GRAMD4: variants seen among roughly 807,000 people sequenced by gnomAD.
The protein encoded by GRAMD4 is GRAM domain-containing protein 4.
GRAMD4 carries 25 observed loss-of-function variants against 83.9 expected under a neutral mutation model. The ratio of observed to expected loss-of-function variants is 0.30; its 90% CI spans 0.22 to 0.42. The LOEUF (loss-of-function observed/expected upper bound fraction) is 0.42, where lower values mean the gene tolerates loss of function less well. Ranked by LOEUF, GRAMD4 falls within the 10% of genes least tolerant of loss-of-function variation. GRAMD4 has a pLI of 1.00. For missense variants in GRAMD4, 593 were observed against 788.7 expected, an observed-to-expected ratio of 0.75 and a Z score of 2.97; for synonymous variants, 336 against 320.9, an observed-to-expected ratio of 1.05 and a Z score of -0.50.
chr22:46,614,946 T>A (rs1486982908), intron 1 of GRAMD4, among the ~76,000 whole-genome samples: 1 of 150,256 alleles, frequency 6.7e-6, no homozygotes, highest in Non-Finnish European at 1.5e-5. Context: ...GGTTCCCCTG[T>A]GCATGTAGGT....
At chr22:46,613,479 G>A (rs1183763886) in intron 1 of GRAMD4, among the ~76,000 whole-genome samples, 2 of 152,276 alleles carry the variant, frequency 1.3e-5, no homozygotes, top group African/African-American at 4.8e-5. Context: ...ACAGGCGAGT[G>A]TTCCCTGTGT....
intron 1 of GRAMD4, among the ~76,000 whole-genome samples, chr22:46,589,535 G>A: frequency 6.6e-6 from 1 of 151,996 alleles, no homozygotes; most frequent in East Asian, 1.9e-4. Context: ...GCTGGGGCCA[G>A]GGGATGTGGG....
chr22:46,628,890 CGG>C (rs1240123781), intron 2 of GRAMD4, among the ~76,000 whole-genome samples: 1 of 151,822 alleles, frequency 6.6e-6, no homozygotes, highest in Non-Finnish European at 1.5e-5. Context: ...ATGGCGCTAG[CGG>C]TGTTGCTGGC....
chr22:46,639,562 CTGTG>C lies in GRAMD4; in HGVS notation c.283+1609_283+1612del, dbSNP rs202017022. On this transcript the variant is annotated intron_variant, in intron 3 of 18. Coordinates refer to ENST00000406902, the MANE Select transcript of GRAMD4 (RefSeq NM_015124.5). ...TGTGTGTGTGCAGCAGTAGTTAACT[CTGTG>C]TGTGTGCGTGTGGCGGTGGTTAACC... 8.4e-3 allele frequency among the ~76,000 whole-genome samples: 1,253 copies of C among 149,932 alleles called. 9 individuals carry two copies. Among genetic ancestry groups the C allele is most frequent in the Middle Eastern group, 0.024 (7 of 286 alleles).
At chr22:46,587,059 C>T (rs1335361491) in intron 1 of GRAMD4, among the ~76,000 whole-genome samples, 1 of 152,206 alleles carries the variant, frequency 6.6e-6, no homozygotes, top group East Asian at 1.9e-4. Context: ...TACTTCCTCG[C>T]ATGCTTTCTC....
intron 1 of GRAMD4, among the ~76,000 whole-genome samples, chr22:46,624,169 T>C (rs1464962553): frequency 2.0e-5 from 3 of 152,022 alleles, no homozygotes; most frequent in African/African-American, 7.2e-5. Flanking sequence ...TATTTTGACA[T>C]TTTTTACTTT....
chr22:46,626,374 G>T (rs140171986), intron 1 of GRAMD4, among the ~76,000 whole-genome samples: 1 of 152,238 alleles, frequency 6.6e-6, no homozygotes, highest in Non-Finnish European at 1.5e-5. Flanking sequence ...CCTGCGCGCC[G>T]CCTCGCCGAG....
chr22:46,650,489 G>A (rs1263120396), intron 3 of GRAMD4, among the ~76,000 whole-genome samples: 1 of 152,156 alleles, frequency 6.6e-6, no homozygotes, highest in South Asian at 2.1e-4. Flanking sequence ...GCCTGTGTAG[G>A]CCTGAGCCGA....
chr22:46,634,703 G>A (rs1458856072), intron 2 of GRAMD4, among the ~76,000 whole-genome samples: 2 of 152,212 alleles, frequency 1.3e-5, no homozygotes, highest in African/African-American at 4.8e-5. Context: ...CACTTTGGGA[G>A]GCCAAGGCGG....
chr22:46,673,122 C>T (rs2082538319), intron 14 of GRAMD4, 125 bp downstream of exon 14: 2 of 796,252 alleles, frequency 2.5e-6, no homozygotes, highest in East Asian at 5.5e-5. Flanking sequence ...TTTATAGACT[C>T]CTTAAACTTG....
At chr22:46,590,937 G>A (rs1602301243) in intron 1 of GRAMD4, among the ~76,000 whole-genome samples, 1 of 152,194 alleles carries the variant, frequency 6.6e-6, no homozygotes, top group Admixed American at 6.5e-5. Flanking sequence ...GTGGGTGCCT[G>A]TAATCCCAGC....
At chr22:46,624,349 T>TTTTTTTC (rs1447936104) in intron 1 of GRAMD4, among the ~76,000 whole-genome samples, 1 of 130,160 alleles carries the variant, frequency 7.7e-6, no homozygotes, top group Non-Finnish European at 1.6e-5. Context: ...TTTTTTTTTT[T>TTTTTTTC]CTGAGACGGA....
At chr22:46,638,690 C>G (rs1434965376) in intron 3 of GRAMD4, among the ~76,000 whole-genome samples, 8 of 152,216 alleles carry the variant, frequency 5.3e-5, no homozygotes, top group Admixed American at 5.2e-4. Flanking sequence ...TCCCAAATTT[C>G]CTGCCAGCAA....
At chr22:46,681,672 C>A (rs773706754), downstream of GRAMD4, among the ~76,000 whole-genome samples, 2 of 152,114 alleles carry the variant, frequency 1.3e-5, no homozygotes, top group African/African-American at 4.8e-5. Context: ...GGTGGGGGTG[C>A]GTCAGGGAGA....
intron 3 of GRAMD4, among the ~76,000 whole-genome samples, chr22:46,643,983 T>A (rs1230184309): frequency 6.6e-6 from 1 of 152,266 alleles, no homozygotes; most frequent in African/African-American, 2.4e-5. Flanking sequence ...TCTCTTCCCC[T>A]GTAGATAACC....
chr22:46,621,647 C>T lies in GRAMD4; in HGVS notation c.-50+1082C>T, dbSNP rs1253482043. ...AGGCGTAGCCCGGGCCCATCCCTGGCAGTGTGTCGCGGAGGGCACCCCTAC... is the reference window on the plus strand; with the variant it reads ...AGGCGTAGCCCGGGCCCATCCCTGGTAGTGTGTCGCGGAGGGCACCCCTAC... On this transcript the variant is annotated intron_variant, in intron 1 of 18. Coordinates refer to ENST00000406902, the MANE Select transcript of GRAMD4 (RefSeq NM_015124.5). The surrounding 1 kb of genome is among the most constrained non-coding windows in gnomAD (Gnocchi z 5.8). 1.0e-5 allele frequency among the ~76,000 whole-genome samples: 1 copy of T among 98,576 alleles called. No individual in the cohort carries two copies. Among genetic ancestry groups the T allele is most frequent in the Non-Finnish European group, 2.2e-5 (1 of 46,010 alleles). 64.7% of individuals were successfully genotyped at this position (98,576 alleles called of 152,430 possible). A position where few individuals can be genotyped will look rare whatever the true frequency, so the allele number is the denominator to read the frequency against.
chr22:46,604,104 T>G (rs1349715449), intron 1 of GRAMD4, among the ~76,000 whole-genome samples: 3 of 152,226 alleles, frequency 2.0e-5, no homozygotes, highest in Non-Finnish European at 4.4e-5. Context: ...AGTCTGTTTT[T>G]GTACCTTCTC....
rs2082616926 is a variant in GRAMD4 at position 46,677,493 on chromosome 22, CA to C, written c.*243del. 6 of 1,283,424 alleles carry C rather than the reference CA, an allele frequency of 4.7e-6. No homozygotes were observed. The South Asian group carries it at 1.1e-4, about 24-fold the overall frequency. The allele number at this position is 1,283,424 out of a possible 1,614,324, so 79.5% of individuals were successfully genotyped here. On this transcript the variant is annotated 3_prime_UTR_variant, in exon 19 of 19. Coordinates refer to ENST00000406902, the MANE Select transcript of GRAMD4 (RefSeq NM_015124.5). Reference sequence around the variant, plus strand: ...GTCAGGTGCCTCTGAGGGCCACCCGCAGACTGGGGGAGGGGGCAGAGGCCCT... The same window carrying C: ...GTCAGGTGCCTCTGAGGGCCACCCGCGACTGGGGGAGGGGGCAGAGGCCCT...
chr22:46,631,944 G>A (rs1159607411), intron 2 of GRAMD4, among the ~76,000 whole-genome samples: 3 of 145,270 alleles, frequency 2.1e-5, no homozygotes, highest in African/African-American at 7.7e-5. Flanking sequence ...GGGGACCGGG[G>A]ATGGGTAGAA....
Sources: allele counts gnomAD v4.1 joint callset (sites outside exome capture counted in the v4.1 genomes callset), GRCh38; gene constraint gnomAD v4.1.1; non-coding constraint Gnocchi (gnomAD v3.1); transcripts MANE v1.5; gene names NCBI Gene and HGNC (gene_info 2026-07-23, HGNC 2026-07-21).